The following QSOX2 variants were observed in gnomAD, a reference collection of about 807,000 sequenced individuals.
QSOX2 encodes the protein sulfhydryl oxidase 2.
In QSOX2, 46 loss-of-function variants were observed where a neutral mutation model predicts 61.7. The ratio of observed to expected loss-of-function variants is 0.75; its 90% CI spans 0.59 to 0.95. QSOX2 has a LOEUF of 0.95. Ranked by LOEUF, QSOX2 falls within the 40% of genes least tolerant of loss-of-function variation. The pLI is 0.00. For missense variants in QSOX2, 879 were observed against 918.9 expected (o/e 0.96, Z 0.56); for synonymous variants, 383 against 388.4 (o/e 0.99, Z 0.16).
intron 1 of QSOX2, among the ~76,000 whole-genome samples, chr9:136,242,730 G>A (rs1830442471): frequency 6.6e-6 from 1 of 152,362 alleles, no homozygotes; most frequent in South Asian, 2.1e-4. Flanking sequence ...TGGAGAAGCA[G>A]GCATTTCTAA....
chr9:136,239,793 G>A (rs925315404), intron 1 of QSOX2, among the ~76,000 whole-genome samples: 2 of 152,256 alleles, frequency 1.3e-5, no homozygotes, highest in Non-Finnish European at 2.9e-5. Context: ...AGGGAAGGCC[G>A]AGCAGATGAG....
At chr9:136,245,416 G>A in intron 1 of QSOX2, 60 bp downstream of exon 1, 1 of 1,445,038 alleles carries the variant, frequency 6.9e-7, no homozygotes, top group Admixed American at 2.1e-5. Context: ...CGGTCGCAAG[G>A]GGTCCCGGAA....
chr9:136,209,698 C>T lies in QSOX2; in HGVS notation c.1550-423G>A, dbSNP rs1179956990. The T allele has an allele frequency of 1.0e-5, 10 of 984,856 alleles. No homozygotes were observed. Among genetic ancestry groups the T allele is most frequent in the African/African-American group, 1.7e-5 (1 of 57,158 alleles). 61.0% of individuals were successfully genotyped at this position (984,856 alleles called of 1,614,324 possible). A position where few individuals can be genotyped will look rare whatever the true frequency, so the allele number is the denominator to read the frequency against. ...CCCTCTGCCCTTTCCTGAGGGTGCA[C>T]CTGAGGCCCACTACCTACAGAGCCC... On this transcript the variant is annotated intron_variant, in intron 11 of 11. Coordinates refer to ENST00000358701, the MANE Select transcript of QSOX2 (RefSeq NM_181701.4). The surrounding 1 kb of genome is among the most constrained non-coding windows in gnomAD (Gnocchi z 5.6).
chr9:136,236,988 C>CTGCATCACCT, intron 1 of QSOX2, among the ~76,000 whole-genome samples: 1 of 143,120 alleles, frequency 7.0e-6, no homozygotes, highest in African/African-American at 2.7e-5. Context: ...TGTCCTGGGC[C>CTGCATCACCT]GGCGTCACCT....
At position 136,230,075 on chromosome 9, in the gene QSOX2, T is replaced by C. The variant is rs182039215; in HGVS notation, c.329-3201A>G. On this transcript the variant is annotated intron_variant, in intron 1 of 11. Coordinates refer to ENST00000358701, the MANE Select transcript of QSOX2 (RefSeq NM_181701.4). ...GCAGGCAGATCACGAGGTCAAGAGA[T>C]AGAGACCATCCTGGCCAACATGGTA... Among the ~76,000 whole-genome samples, 452 of 151,854 alleles carry C rather than the reference T, an allele frequency of 3.0e-3. 1 individual carries two copies. Among genetic ancestry groups the C allele is most frequent in the African/African-American group, 9.9e-3 (408 of 41,394 alleles).
Position 136,211,461 on chromosome 9 carries a change from G to A in QSOX2, c.1361-9C>T. ...GGGGTCGTCTTCAAAGCCTGCAGGG[G>A]AAGAAACACTGCTGACAACGGCAGG... On this transcript the variant is annotated splice_polypyrimidine_tract_variant and intron_variant, in intron 10 of 11. Coordinates refer to ENST00000358701, the MANE Select transcript of QSOX2 (RefSeq NM_181701.4). The A allele has an allele frequency of 6.2e-7, 1 of 1,611,956 alleles. No homozygotes were observed. Among genetic ancestry groups the A allele is most frequent in the South Asian group, 1.1e-5 (1 of 91,062 alleles).
At chr9:136,245,373 C>T in intron 1 of QSOX2, 103 bp downstream of exon 1, 4 of 950,728 alleles carry the variant, frequency 4.2e-6, no homozygotes, top group East Asian at 2.9e-5. Flanking sequence ...GAAAGAAATA[C>T]GGGGGAGGGG....
At chr9:136,216,293 A>C (rs1044089487) in intron 9 of QSOX2, among the ~76,000 whole-genome samples, 2 of 152,358 alleles carry the variant, frequency 1.3e-5, no homozygotes, top group Admixed American at 6.5e-5. Flanking sequence ...AGTTTTCGTC[A>C]GATTGGCTTA....
rs956992052 is a variant in QSOX2, at chr9:136,208,668, T to C, written c.*60A>G. The C allele has an allele frequency of 5.3e-6, 8 of 1,510,360 alleles. No homozygotes were observed. The African/African-American group carries it at 9.8e-5, about 18-fold the overall frequency. 93.6% of individuals were successfully genotyped at this position (1,510,360 alleles called of 1,614,324 possible). On this transcript the variant is annotated 3_prime_UTR_variant, in exon 12 of 12. Transcript: ENST00000358701. ...TGATCATAAATATTAAAGCTGCAGGTGGCACGGGGCAGGGCTGCCTCCAAG... is the reference window on the plus strand; with the variant it reads ...TGATCATAAATATTAAAGCTGCAGGCGGCACGGGGCAGGGCTGCCTCCAAG...
At chr9:136,243,372 T>C (rs1176826343) in intron 1 of QSOX2, among the ~76,000 whole-genome samples, 1 of 152,248 alleles carries the variant, frequency 6.6e-6, no homozygotes, top group Non-Finnish European at 1.5e-5. Context: ...GGCTGCTGCC[T>C]GTGAGGCTTC....
chr9:136,234,518 G>A (rs777712523), intron 1 of QSOX2, among the ~76,000 whole-genome samples: 1 of 152,170 alleles, frequency 6.6e-6, no homozygotes, highest in African/African-American at 2.4e-5. Context: ...CTAGAGCAAC[G>A]GTGGCAAATT....
At position 136,207,904 on chromosome 9, in the gene QSOX2, G is replaced by C. The variant is rs1831788922; in HGVS notation, c.*824C>G. ...CCGTCCCAACGGCCCCCATTTACTT[G>C]TCTCTCTCTTGTCACCAGATAGACA... On this transcript the variant is annotated 3_prime_UTR_variant, in exon 12 of 12. Coordinates refer to ENST00000358701, the MANE Select transcript of QSOX2 (RefSeq NM_181701.4). The C allele has an allele frequency of 6.6e-6, 1 of 152,312 alleles. No homozygotes were observed. The allele number at this position is 152,312 out of a possible 1,614,324, so 9.4% of individuals were successfully genotyped here.
At chr9:136,212,362 T>G (rs1474417541) in intron 10 of QSOX2, among the ~76,000 whole-genome samples, 1 of 152,174 alleles carries the variant, frequency 6.6e-6, no homozygotes. Flanking sequence ...CTTTCGCGAA[T>G]GAATCCGTCT....
intron 6 of QSOX2, among the ~76,000 whole-genome samples, chr9:136,220,182 C>CCA (rs1437158009): frequency 1.3e-5 from 2 of 152,214 alleles, no homozygotes; most frequent in Non-Finnish European, 2.9e-5. Context: ...CAGACATACT[C>CCA]CACCACGCCC....
intron 11 of QSOX2, chr9:136,210,403 C>T: frequency 4.1e-6 from 4 of 985,436 alleles, no homozygotes; most frequent in Non-Finnish European, 4.8e-6. Flanking sequence ...CCACAGGTAG[C>T]AGCAGGGGCT....
chr9:136,211,814 C>T (rs887919910), intron 10 of QSOX2, among the ~76,000 whole-genome samples: 7 of 152,214 alleles, frequency 4.6e-5, no homozygotes, highest in East Asian at 1.9e-4. Context: ...TGTGCCAGAA[C>T]GCCCGGAGTG....
intron 1 of QSOX2, among the ~76,000 whole-genome samples, chr9:136,239,585 G>A (rs1830418295): frequency 6.6e-6 from 1 of 152,346 alleles, no homozygotes; most frequent in East Asian, 1.9e-4. Context: ...GTGAATTCAC[G>A]CAGAGCCCCT....
At chr9:136,234,770 G>A (rs62579035) in intron 1 of QSOX2, among the ~76,000 whole-genome samples, 1,597 of 137,880 alleles carry the variant, frequency 0.012, 74 homozygotes, top group African/African-American at 0.025. Context: ...GCTCCACTGC[G>A]CCCGCCCCAG....
rs191030904 is a variant in QSOX2, at chr9:136,214,744, G to A, written c.1360+410C>T. Among the ~76,000 whole-genome samples, 72 of 152,340 alleles carry A rather than the reference G, an allele frequency of 4.7e-4. 1 individual carries two copies. The highest frequency in any genetic ancestry group is 4.2e-3 in the Admixed American group (65 of 15,304). On this transcript the variant is annotated intron_variant, in intron 10 of 11. Coordinates refer to ENST00000358701, the MANE Select transcript of QSOX2 (RefSeq NM_181701.4). The stretch of plus-strand genomic sequence containing the variant: ...AGAAACCATGAGCTCATAACCGTGC[G>A]TGGTTCCCGTGGTTCTGGCTGCTAA...
Sources: allele counts gnomAD v4.1 joint callset (sites outside exome capture counted in the v4.1 genomes callset), GRCh38; gene constraint gnomAD v4.1.1; non-coding constraint Gnocchi (gnomAD v3.1); transcripts MANE v1.5; gene names NCBI Gene and HGNC (gene_info 2026-07-23, HGNC 2026-07-21).